The following THSD7B variants were observed in gnomAD, a reference collection of about 807,000 sequenced individuals.
THSD7B encodes the protein thrombospondin type 1 domain containing 7B.
A neutral mutation model predicts 213.6 loss-of-function variants in THSD7B; 138 were observed. The observed-to-expected ratio is 0.65, with a 90% CI of 0.56 to 0.74. The LOEUF (loss-of-function observed/expected upper bound fraction) is 0.74, where lower values mean the gene tolerates loss of function less well. THSD7B is among the 30% of genes least tolerant of loss of function. THSD7B has a pLI of 0.00. For missense variants in THSD7B, 1,931 were observed against 1,991.5 expected (o/e 0.97, Z 0.58); for synonymous variants, 742 against 687.0 (o/e 1.08, Z -1.25).
At chr2:137,402,241 C>A (rs957092769) in intron 12 of THSD7B, among the ~76,000 whole-genome samples, 1 of 152,064 alleles carries the variant, frequency 6.6e-6, no homozygotes, top group Non-Finnish European at 1.5e-5. Flanking sequence ...TCAGATAGCT[C>A]CTTGTTTAGA....
chr2:136,943,283 A>G (rs1029723799), intron 2 of THSD7B, among the ~76,000 whole-genome samples: 1 of 152,156 alleles, frequency 6.6e-6, no homozygotes, highest in Admixed American at 6.5e-5. Flanking sequence ...TCAGTTTGCC[A>G]GTATTTTGTT....
At chr2:137,648,377 C>T (rs34342073) in intron 21 of THSD7B, among the ~76,000 whole-genome samples, 27,898 of 150,904 alleles carry the variant, frequency 0.18, 2,601 homozygotes, top group South Asian at 0.23. Context: ...CTTCATCTCC[C>T]CCCCTCACCC....
At position 137,585,540 on chromosome 2, in the gene THSD7B, C is replaced by G. The variant is rs556166015; in HGVS notation, c.3423+12984C>G. On this transcript the variant is annotated intron_variant, in intron 17 of 27. Coordinates refer to ENST00000409968, the MANE Select transcript of THSD7B (RefSeq NM_001316349.2). ...TCCCAGAGATTCTGGTATGTTGTGT[C>G]TTTGTTCTCGTTGGTTTCAAAGAAC... 2.7e-3 allele frequency among the ~76,000 whole-genome samples: 409 copies of G among 152,050 alleles called. 6 individuals carry two copies. The highest frequency in any genetic ancestry group is 1.6e-3 in the Non-Finnish European group (106 of 67,978).
chr2:137,029,078 C>CTTT lies in THSD7B; in HGVS notation c.140-27326_140-27324dup, dbSNP rs11443045. Reference sequence around the variant, plus strand: ...AAGCATTTTCTGATGTCTTTGTAAGCTTTTTTTTTTTTTTTTTTGAGAAAG... The same window carrying CTTT: ...AAGCATTTTCTGATGTCTTTGTAAGCTTTTTTTTTTTTTTTTTTTTTGAGAAAG... On this transcript the variant is annotated intron_variant, in intron 2 of 27. Transcript: ENST00000409968. Among the ~76,000 whole-genome samples the CTTT allele has an allele frequency of 8.8e-4, 106 of 120,926 alleles. 1 individual carries two copies. The highest frequency in any genetic ancestry group is 1.2e-3 in the East Asian group (5 of 4,160). 79.3% of individuals were successfully genotyped at this position (120,926 alleles called of 152,430 possible).
chr2:136,827,388 T>C (rs2104943521), intron 1 of THSD7B, among the ~76,000 whole-genome samples: 1 of 152,300 alleles, frequency 6.6e-6, no homozygotes, highest in South Asian at 2.1e-4. Flanking sequence ...GTTTGTATGG[T>C]CTTAAGCATC....
chr2:137,350,325 T>C (rs1298181367), intron 12 of THSD7B, among the ~76,000 whole-genome samples: 1 of 151,810 alleles, frequency 6.6e-6, no homozygotes, highest in Non-Finnish European at 1.5e-5. Context: ...GGGAATTAGA[T>C]TGGTCAGGAA....
At chr2:137,318,108 G>A (rs1172446159) in intron 12 of THSD7B, among the ~76,000 whole-genome samples, 1 of 152,108 alleles carries the variant, frequency 6.6e-6, no homozygotes, top group South Asian at 2.1e-4. Context: ...AATTAGGCTA[G>A]TTACAAAAAG....
rs561720538 is a variant in THSD7B, at chr2:137,367,765, T to C, written c.2501-37848T>C. Among the ~76,000 whole-genome samples, 210 of 152,268 alleles carry C rather than the reference T, an allele frequency of 1.4e-3. 1 individual carries two copies. Among genetic ancestry groups the C allele is most frequent in the Non-Finnish European group, 2.4e-3 (165 of 68,010 alleles). On this transcript the variant is annotated intron_variant, in intron 12 of 27. Transcript: ENST00000409968. Reference sequence around the variant, plus strand: ...TCCTGGCTTGCAGATGGACACCTTCTTGATATGTGGCCTTTCCTCAGTGTG... The same window carrying C: ...TCCTGGCTTGCAGATGGACACCTTCCTGATATGTGGCCTTTCCTCAGTGTG...
intron 15 of THSD7B, among the ~76,000 whole-genome samples, chr2:137,562,455 TA>T (rs1029346194): frequency 5.3e-5 from 8 of 152,064 alleles, no homozygotes; most frequent in African/African-American, 1.9e-4. Context: ...CAATTTCAGT[TA>T]AAAAAAATCA....
intron 1 of THSD7B, among the ~76,000 whole-genome samples, chr2:136,821,147 G>A (rs1682557849): frequency 2.0e-5 from 3 of 152,124 alleles, no homozygotes. Context: ...AAAAGAAAGC[G>A]AATGTGGTAG....
At chr2:137,415,838 C>T (rs1686787047) in intron 14 of THSD7B, among the ~76,000 whole-genome samples, 1 of 151,946 alleles carries the variant, frequency 6.6e-6, no homozygotes, top group Admixed American at 6.6e-5. Flanking sequence ...ATTGATCCAC[C>T]TCATCACTTC....
intron 1 of THSD7B, among the ~76,000 whole-genome samples, chr2:136,822,690 T>A (rs1274515011): frequency 6.6e-6 from 1 of 152,178 alleles, no homozygotes; most frequent in African/African-American, 2.4e-5. Context: ...AGGAAGGGAA[T>A]GTCCCATGGA....
chr2:137,470,369 C>T (rs1002229277), intron 15 of THSD7B, among the ~76,000 whole-genome samples: 2 of 152,142 alleles, frequency 1.3e-5, no homozygotes, highest in Non-Finnish European at 2.9e-5. Context: ...TTTCTTGTTA[C>T]AAATTATTAT....
At chr2:136,860,049 G>A (rs1377319175) in intron 1 of THSD7B, among the ~76,000 whole-genome samples, 6 of 123,082 alleles carry the variant, frequency 4.9e-5, no homozygotes, top group African/African-American at 1.6e-4. Flanking sequence ...ATGGAGTCTC[G>A]CTCTGTCGCC....
chr2:137,307,363 C>T (rs1041592129), intron 12 of THSD7B, among the ~76,000 whole-genome samples: 10 of 152,030 alleles, frequency 6.6e-5, no homozygotes, highest in African/African-American at 2.2e-4. Context: ...TGAGAGGGGA[C>T]ATTCTGTGGT....
intron 7 of THSD7B, among the ~76,000 whole-genome samples, chr2:137,180,651 G>A (rs71419524): frequency 0.046 from 7,020 of 152,168 alleles, 201 homozygotes; most frequent in Admixed American, 0.069. Flanking sequence ...GAAAATTGTA[G>A]GCAGAGATGT....
intron 10 of THSD7B, among the ~76,000 whole-genome samples, chr2:137,263,952 C>G (rs1420837275): frequency 6.6e-6 from 1 of 152,170 alleles, no homozygotes; most frequent in Non-Finnish European, 1.5e-5. Flanking sequence ...TTCATATTAT[C>G]ATTTCTGATC....
chr2:137,292,837 C>T (rs1032239060), intron 12 of THSD7B, among the ~76,000 whole-genome samples: 5 of 152,130 alleles, frequency 3.3e-5, no homozygotes, highest in Admixed American at 2.6e-4. Context: ...CTGCGTTGGC[C>T]ATTCCATGTA....
At chr2:137,521,192 C>A (rs1680177444) in intron 15 of THSD7B, among the ~76,000 whole-genome samples, 1 of 152,136 alleles carries the variant, frequency 6.6e-6, no homozygotes, top group Non-Finnish European at 1.5e-5. Context: ...ACTCTGTCCC[C>A]ACCCCAGATT....
Sources: gnomAD v4.1 joint callset for allele counts (sites outside exome capture counted in the v4.1 genomes callset) on GRCh38, gnomAD v4.1.1 for gene constraint, MANE v1.5 for transcripts, NCBI Gene and HGNC (gene_info 2026-07-23, HGNC 2026-07-21) for gene names.